The following IMMP2L variants were observed in gnomAD, a reference collection of about 807,000 sequenced individuals.
The protein encoded by IMMP2L is inner mitochondrial membrane peptidase subunit 2.
In IMMP2L, 18 loss-of-function variants were observed where a neutral mutation model predicts 19.3. That is an observed-to-expected ratio of 0.93 (90% CI 0.64 to 1.38). The LOEUF (loss-of-function observed/expected upper bound fraction) is 1.38. Ranked by LOEUF, IMMP2L falls within the 40% of genes most tolerant of loss-of-function variation. The pLI, the probability that IMMP2L is intolerant of heterozygous loss-of-function variation, is 0.00. For missense variants in IMMP2L, 233 were observed against 218.2 expected (o/e 1.07, Z -0.43); for synonymous variants, 76 against 73.0 (o/e 1.04, Z -0.21).
intron 3 of IMMP2L, among the ~76,000 whole-genome samples, chr7:111,176,066 A>G (rs764500216): frequency 2.6e-5 from 4 of 152,124 alleles, no homozygotes; most frequent in Non-Finnish European, 5.9e-5. Context: ...CGAAACTACA[A>G]TGAGATAACA....
intron 5 of IMMP2L, among the ~76,000 whole-genome samples, chr7:110,706,907 A>C (rs1019432578): frequency 6.6e-6 from 1 of 151,570 alleles, no homozygotes; most frequent in African/African-American, 2.4e-5. Context: ...ACTTGGTCAT[A>C]AATTCTTTCC....
chr7:110,948,344 T>TA (rs1817463709), intron 4 of IMMP2L, among the ~76,000 whole-genome samples: 1 of 152,216 alleles, frequency 6.6e-6, no homozygotes, highest in Non-Finnish European at 1.5e-5. Flanking sequence ...CACAATGTGT[T>TA]AGATAATATT....
chr7:111,501,166 C>T (rs1162148725), intron 2 of IMMP2L, among the ~76,000 whole-genome samples: 4 of 151,484 alleles, frequency 2.6e-5, no homozygotes, highest in Non-Finnish European at 2.9e-5. Context: ...TCGAGAACTA[C>T]GTGAAGAATG....
rs768850448 is a variant in IMMP2L at position 110,793,935 on chromosome 7, G to T, written c.408+92658C>A. ...GGTGTCCAACATGATATGTCATCAGGGAATTGGAAATGAAAACAAGTTACC... is the reference window on the plus strand; with the variant it reads ...GGTGTCCAACATGATATGTCATCAGTGAATTGGAAATGAAAACAAGTTACC... On this transcript the variant is annotated intron_variant, in intron 5 of 5. Transcript: ENST00000405709. Among the ~76,000 whole-genome samples, 8 of 151,978 alleles carry T rather than the reference G, an allele frequency of 5.3e-5. 1 individual carries two copies. Among genetic ancestry groups the T allele is most frequent in the Admixed American group, 3.3e-4 (5 of 15,246 alleles).
intron 3 of IMMP2L, among the ~76,000 whole-genome samples, chr7:111,190,285 G>T (rs923527145): frequency 6.6e-6 from 1 of 151,904 alleles, no homozygotes; most frequent in African/African-American, 2.4e-5. Flanking sequence ...GGTAAACAAT[G>T]ACACCTAAGC....
intron 3 of IMMP2L, among the ~76,000 whole-genome samples, chr7:111,442,102 T>C (rs1281768220): frequency 6.6e-6 from 1 of 151,466 alleles, no homozygotes; most frequent in Non-Finnish European, 1.5e-5. Context: ...ATGCCAGTGG[T>C]ACTCCAGCCT....
intron 3 of IMMP2L, among the ~76,000 whole-genome samples, chr7:111,198,872 T>C (rs1019302920): frequency 7.9e-5 from 12 of 152,144 alleles, no homozygotes; most frequent in Non-Finnish European, 1.8e-4. Context: ...GTAAACTTCT[T>C]CAATATTTAC....
intron 1 of IMMP2L, chr7:111,532,495 A>T (rs954483157): frequency 2.6e-5 from 4 of 152,184 alleles, no homozygotes. Flanking sequence ...CTAGAATGCC[A>T]TATCAACTCA....
intron 3 of IMMP2L, among the ~76,000 whole-genome samples, chr7:110,995,479 T>C (rs1243420902): frequency 6.6e-6 from 1 of 152,176 alleles, no homozygotes; most frequent in African/African-American, 2.4e-5. Flanking sequence ...CACAGTAGAA[T>C]TGTTCTGTTT....
At chr7:110,950,184 T>G (rs886300312) in intron 4 of IMMP2L, among the ~76,000 whole-genome samples, 1 of 152,120 alleles carries the variant, frequency 6.6e-6, no homozygotes, top group Admixed American at 6.6e-5. Context: ...TGTCTGGATA[T>G]CCAGGTTTTT....
At chr7:111,330,799 C>A (rs1015152642) in intron 3 of IMMP2L, among the ~76,000 whole-genome samples, 1 of 151,792 alleles carries the variant, frequency 6.6e-6, no homozygotes, top group Non-Finnish European at 1.5e-5. Context: ...AGAAGACATA[C>A]AAATGTCCAG....
At chr7:110,806,648 A>C (rs184650815) in intron 5 of IMMP2L, among the ~76,000 whole-genome samples, 1 of 152,144 alleles carries the variant, frequency 6.6e-6, no homozygotes, top group Non-Finnish European at 1.5e-5. Context: ...GATACTGCAC[A>C]CTAAAAAGGC....
intron 3 of IMMP2L, among the ~76,000 whole-genome samples, chr7:111,258,076 G>T (rs755115043): frequency 6.6e-6 from 1 of 152,014 alleles, no homozygotes; most frequent in Non-Finnish European, 1.5e-5. Flanking sequence ...ATTAAGCAAG[G>T]CATGTTTTCC....
At chr7:111,293,289 C>G (rs959553072) in intron 3 of IMMP2L, among the ~76,000 whole-genome samples, 3 of 151,900 alleles carry the variant, frequency 2.0e-5, no homozygotes, top group African/African-American at 7.2e-5. Flanking sequence ...ATCCTTTTCA[C>G]TTTTTGTGAG....
At position 110,817,417 on chromosome 7, in the gene IMMP2L, AC is replaced by A. The variant is rs1802625906; in HGVS notation, c.408+69175del. Among the ~76,000 whole-genome samples, 2 of 152,180 alleles carry A rather than the reference AC, an allele frequency of 1.3e-5. 1 individual carries two copies. The highest frequency in any genetic ancestry group is 4.8e-5 in the African/African-American group (2 of 41,528). ...ATCCAACTTACAAGGGATGTGAAGG[AC>A]CTCTTCAAGGAGAACTACAAACCAC... is the stretch of plus-strand genomic sequence containing the variant. On this transcript the variant is annotated intron_variant, in intron 5 of 5. Transcript: ENST00000405709.
intron 3 of IMMP2L, among the ~76,000 whole-genome samples, chr7:111,383,199 A>G (rs745987457): frequency 2.0e-5 from 3 of 152,060 alleles, no homozygotes; most frequent in Non-Finnish European, 4.4e-5. Context: ...TGTCTATATA[A>G]CCCTAATTAG....
chr7:111,069,372 G>A (rs959662318), intron 3 of IMMP2L, among the ~76,000 whole-genome samples: 1 of 152,134 alleles, frequency 6.6e-6, no homozygotes, highest in African/African-American at 2.4e-5. Flanking sequence ...TTGGTAAAAT[G>A]AGGAATAGTA....
chr7:111,489,292 C>G (rs538301587), intron 2 of IMMP2L, among the ~76,000 whole-genome samples: 12 of 152,170 alleles, frequency 7.9e-5, no homozygotes, highest in African/African-American at 2.9e-4. Context: ...ATCTGCCCGC[C>G]TCGGCCTCCC....
At chr7:110,701,314 T>C (rs1326164225) in intron 5 of IMMP2L, among the ~76,000 whole-genome samples, 2 of 152,212 alleles carry the variant, frequency 1.3e-5, no homozygotes, top group Non-Finnish European at 2.9e-5. Context: ...TTAGCAATAA[T>C]AGCTAGCATC....
Sources: allele counts gnomAD v4.1 joint callset (sites outside exome capture counted in the v4.1 genomes callset), GRCh38; gene constraint gnomAD v4.1.1; transcripts MANE v1.5; gene names NCBI Gene and HGNC (gene_info 2026-07-23, HGNC 2026-07-21).